CARMIL1: variants seen among roughly 807,000 people sequenced by gnomAD.
The protein encoded by CARMIL1 is F-actin-uncapping protein LRRC16A.
Under a neutral mutation model 177.1 loss-of-function variants are expected in CARMIL1, and 90 were observed. The ratio of observed to expected loss-of-function variants is 0.51; its 90% CI spans 0.43 to 0.61. The LOEUF is 0.61. Among genes scored for constraint, CARMIL1 ranks in the 20% least tolerant of loss-of-function variants. The pLI, the probability that CARMIL1 is intolerant of heterozygous loss-of-function variation, is 0.00. For missense variants in CARMIL1, 1,380 were observed against 1,667.0 expected, an observed-to-expected ratio of 0.83 and a Z score of 3.00; for synonymous variants, 577 against 606.2, an observed-to-expected ratio of 0.95 and a Z score of 0.71.
intron 1 of CARMIL1, among the ~76,000 whole-genome samples, chr6:25,284,299 GTAT>G (rs1561932941): frequency 6.6e-6 from 1 of 152,182 alleles, no homozygotes; most frequent in Non-Finnish European, 1.5e-5. Context: ...GCATGGGCTG[GTAT>G]TATGTCGTGC....
intron 1 of CARMIL1, among the ~76,000 whole-genome samples, chr6:25,280,853 T>G (rs906232593): frequency 8.5e-5 from 13 of 152,242 alleles, no homozygotes; most frequent in Admixed American, 8.5e-4. Flanking sequence ...ACAAAGATGA[T>G]GTTTAATCGG....
intron 2 of CARMIL1, among the ~76,000 whole-genome samples, chr6:25,332,982 G>A (rs1236749855): frequency 6.6e-6 from 1 of 152,090 alleles, no homozygotes; most frequent in Admixed American, 6.5e-5. Flanking sequence ...GGGAAATACC[G>A]CCTTGAAGAG....
chr6:25,561,740 A>G (rs980926034), intron 29 of CARMIL1, among the ~76,000 whole-genome samples: 11 of 152,206 alleles, frequency 7.2e-5, no homozygotes, highest in African/African-American at 2.7e-4. Flanking sequence ...GTCGCCAAGC[A>G]CAGACTATTG....
intron 17 of CARMIL1, among the ~76,000 whole-genome samples, chr6:25,505,588 G>A (rs1315422521): frequency 1.3e-5 from 2 of 152,102 alleles, no homozygotes; most frequent in African/African-American, 4.8e-5. Context: ...GAGTAGCTGG[G>A]ATTACAGGCA....
At chr6:25,340,722 G>A (rs2150321028) in intron 2 of CARMIL1, among the ~76,000 whole-genome samples, 1 of 146,850 alleles carries the variant, frequency 6.8e-6, no homozygotes, top group South Asian at 2.3e-4. Flanking sequence ...GTACAGGATA[G>A]TGGGTCAGTA....
At chr6:25,516,227 C>T (rs1289662701) in intron 21 of CARMIL1, among the ~76,000 whole-genome samples, 3 of 152,098 alleles carry the variant, frequency 2.0e-5, no homozygotes, top group Non-Finnish European at 2.9e-5. Context: ...AGGTCTTAAC[C>T]CCCTTGCTCA....
At position 25,458,763 on chromosome 6, in the gene CARMIL1, C is replaced by A. The variant is rs374832398; in HGVS notation, c.615-7110C>A. 6.0e-3 allele frequency among the ~76,000 whole-genome samples: 920 copies of A among 152,222 alleles called. 14 individuals are homozygous for A. Among genetic ancestry groups the A allele is most frequent in the African/African-American group, 0.018 (751 of 41,528 alleles). ...GGCTCTGCCTCAGCTAGCCTTGTAA[C>A]CTTGCATATTTCAAACTTCCCTGTG... On this transcript the variant is annotated intron_variant, in intron 8 of 36. Transcript: ENST00000329474.
chr6:25,320,186 C>G (rs990100592), intron 2 of CARMIL1, among the ~76,000 whole-genome samples: 3 of 152,186 alleles, frequency 2.0e-5, no homozygotes, highest in Non-Finnish European at 4.4e-5. Flanking sequence ...CTGCCCACCC[C>G]TCTGTCTACA....
chr6:25,503,104 A>G (rs1224030063), intron 17 of CARMIL1, among the ~76,000 whole-genome samples: 2 of 152,252 alleles, frequency 1.3e-5, no homozygotes, highest in Non-Finnish European at 1.5e-5. Flanking sequence ...TAACGAAGGC[A>G]GGAATTCAGG....
Position 25,540,040 on chromosome 6 carries a change from G to T in CARMIL1, c.2290G>T (p.Ala764Ser). 1 of 1,609,806 alleles carries T rather than the reference G, an allele frequency of 6.2e-7. No homozygotes were observed. The highest frequency in any genetic ancestry group is 8.5e-7 in the Non-Finnish European group (1 of 1,178,322). Residue 764 changes from alanine (A) to serine (S), a missense_variant, in exon 26 of 37, where the codon GCT (alanine) becomes TCT (serine). Transcript: ENST00000329474. ...SPIQETLESM[A>S]GEVTRVVDEQ... ...AATTCAGGAGACCCTGGAATCAATG[G>T]CTGGAGAAGTTACAAGAGTAGTAGA...
chr6:25,370,742 T>G (rs9467478), intron 2 of CARMIL1, among the ~76,000 whole-genome samples: 23,692 of 152,014 alleles, frequency 0.16, 1,936 homozygotes, highest in African/African-American at 0.22. Context: ...TCACTAAACA[T>G]ATTTTTTTTT....
intron 2 of CARMIL1, among the ~76,000 whole-genome samples, chr6:25,292,211 C>G (rs1782026588): frequency 6.6e-6 from 1 of 152,134 alleles, no homozygotes. Context: ...GAACAGTTGC[C>G]TTTGTGGTAC....
chr6:25,434,610 G>A (rs1263128746), intron 4 of CARMIL1, among the ~76,000 whole-genome samples: 2 of 140,980 alleles, frequency 1.4e-5, no homozygotes, highest in Admixed American at 7.5e-5. Flanking sequence ...TGCAACCTCC[G>A]CCTCCTGGGT....
At chr6:25,495,295 A>T (rs1803594876) in intron 16 of CARMIL1, 80 bp downstream of exon 16, 1 of 939,076 alleles carries the variant, frequency 1.1e-6, no homozygotes, top group African/African-American at 1.7e-5. Flanking sequence ...AGGGAGAAAG[A>T]TATATAATCC....
At chr6:25,373,020 T>TA (rs1242182295) in intron 2 of CARMIL1, among the ~76,000 whole-genome samples, 1 of 152,216 alleles carries the variant, frequency 6.6e-6, no homozygotes, top group African/African-American at 2.4e-5. Context: ...TTTGTGTTTT[T>TA]AAAAAATTCT....
chr6:25,282,115 C>CAA (rs55943273), intron 1 of CARMIL1, among the ~76,000 whole-genome samples: 60 of 81,680 alleles, frequency 7.3e-4, no homozygotes, highest in East Asian at 1.4e-3. Context: ...AACTCCATCT[C>CAA]AAAAAAAAAA....
Position 25,600,691 on chromosome 6 carries a change from G to A in CARMIL1, c.3497G>A (p.Gly1166Asp). 1.3e-6 allele frequency: 2 copies of A among 1,594,326 alleles called. No individual in the cohort carries two copies. Among genetic ancestry groups the A allele is most frequent in the Non-Finnish European group, 1.7e-6 (2 of 1,170,470 alleles). Residue 1166 changes from glycine to aspartate, a missense_variant, in exon 33 of 37, where the codon GGT (glycine) becomes GAT (aspartate). Physicochemically the swap from Gly to Asp is moderately conservative, Grantham distance 94. Transcript: ENST00000329474. ...TATGGGGTCCAGGTGATGGGCAGTG[G>A]TCTGCTGGCAGAGATGAAAGCCAAG... ...RRYGVQVMGS[G>D]LLAEMKAKQE...
intron 2 of CARMIL1, among the ~76,000 whole-genome samples, chr6:25,408,025 T>C (rs1253667324): frequency 6.6e-6 from 1 of 152,072 alleles, no homozygotes; most frequent in African/African-American, 2.4e-5. Flanking sequence ...CCAGGTGTGG[T>C]GGTGCATGAC....
chr6:25,519,342 T>G (rs114651788), intron 22 of CARMIL1, among the ~76,000 whole-genome samples: 225 of 152,262 alleles, frequency 1.5e-3, no homozygotes, highest in African/African-American at 4.9e-3. Flanking sequence ...CAGATGCATT[T>G]TGGGGTGGAG....
Sources: allele counts gnomAD v4.1 joint callset (sites outside exome capture counted in the v4.1 genomes callset), GRCh38; gene constraint gnomAD v4.1.1; transcripts MANE v1.5; gene names NCBI Gene and HGNC (gene_info 2026-07-23, HGNC 2026-07-21).